Variants in GLDN observed in about 807,000 individuals in gnomAD.
GLDN encodes collomin.
In GLDN, 47 loss-of-function variants were observed where a neutral mutation model predicts 56.5. The observed-to-expected ratio is 0.83, with a 90% CI of 0.66 to 1.06. GLDN has a LOEUF of 1.06. GLDN is among the 50% of genes least tolerant of loss of function. The pLI is 0.00. For synonymous variants in GLDN, 332 were observed against 278.8 expected (o/e 1.19, Z -1.90); for missense variants, 782 against 714.3 (o/e 1.09, Z -1.08).
At chr15:51,398,443 G>A (rs562469723) in intron 6 of GLDN, among the ~76,000 whole-genome samples, 3 of 152,336 alleles carry the variant, frequency 2.0e-5, no homozygotes, top group South Asian at 4.1e-4. Context: ...CCTAGGATCC[G>A]TCATCTAACT....
intron 9 of GLDN, among the ~76,000 whole-genome samples, chr15:51,402,592 T>C (rs746330299): frequency 1.3e-5 from 2 of 152,208 alleles, no homozygotes; most frequent in African/African-American, 2.4e-5. Context: ...CCCAGTATTA[T>C]GAATGCCACA....
At chr15:51,412,778 T>G (rs144268419), downstream of GLDN, among the ~76,000 whole-genome samples, 531 of 152,314 alleles carry the variant, frequency 3.5e-3, 5 homozygotes, top group African/African-American at 0.012. Context: ...GCTGCCTTTT[T>G]TTTGTACTAA....
At chr15:51,410,953 C>T (rs1221928266), downstream of GLDN, among the ~76,000 whole-genome samples, 1 of 152,114 alleles carries the variant, frequency 6.6e-6, no homozygotes, top group Non-Finnish European at 1.5e-5. Flanking sequence ...AGATAAAGCA[C>T]AAATATCACC....
intron 1 of GLDN, among the ~76,000 whole-genome samples, chr15:51,347,306 T>C (rs2036995648): frequency 1.3e-5 from 2 of 152,164 alleles, no homozygotes; most frequent in Non-Finnish European, 2.9e-5. Flanking sequence ...TACCCCAAAA[T>C]ATAATTTTCA....
At chr15:51,361,648 G>A (rs926344508) in intron 1 of GLDN, among the ~76,000 whole-genome samples, 6 of 152,202 alleles carry the variant, frequency 3.9e-5, no homozygotes, top group African/African-American at 1.4e-4. Context: ...TCAAGAAACA[G>A]CGTGAACAAA....
At chr15:51,370,080 C>T (rs2037484650) in intron 1 of GLDN, among the ~76,000 whole-genome samples, 1 of 152,140 alleles carries the variant, frequency 6.6e-6, no homozygotes, top group Non-Finnish European at 1.5e-5. Context: ...CATGTCACTG[C>T]ACTCCAGCCT....
At position 51,404,932 on chromosome 15, in the gene GLDN, TGAG is replaced by T; in HGVS notation, c.*179_*181del. ...GCAACAGATTGGAAGTTGAAATGGC[TGAG>T]ATTTGGTGATCTCCCCACAGCTGGC... On this transcript the variant is annotated 3_prime_UTR_variant, in exon 10 of 10. Transcript: ENST00000335449. 1 of 577,104 alleles carries T rather than the reference TGAG, an allele frequency of 1.7e-6. No homozygotes were observed. 35.7% of individuals were successfully genotyped at this position (577,104 alleles called of 1,614,324 possible). A position where few individuals can be genotyped will look rare whatever the true frequency, so the allele number is the denominator to read the frequency against.
At chr15:51,402,886 G>T (rs934751187) in intron 9 of GLDN, among the ~76,000 whole-genome samples, 1 of 152,100 alleles carries the variant, frequency 6.6e-6, no homozygotes, top group African/African-American at 2.4e-5. Context: ...CACCCCATTT[G>T]GGCAGTCTTG....
At chr15:51,365,115 C>T (rs184986077) in intron 1 of GLDN, among the ~76,000 whole-genome samples, 64 of 152,302 alleles carry the variant, frequency 4.2e-4, no homozygotes, top group Non-Finnish European at 7.8e-4. Context: ...GTATTAGAGT[C>T]TTGGTAGTTC....
chr15:51,397,453 T>C lies in GLDN; in HGVS notation c.689-17T>C. On this transcript the variant is annotated splice_polypyrimidine_tract_variant and intron_variant, in intron 5 of 9. Coordinates refer to ENST00000335449, the MANE Select transcript of GLDN (RefSeq NM_181789.4). The stretch of plus-strand genomic sequence containing the variant: ...CCTCTTGCCTCCTTCTCTCCCTTTC[T>C]CTCTCTCTCTCTCCAGGTGCCAAAG... 2 of 1,343,700 alleles carry C rather than the reference T, an allele frequency of 1.5e-6. No individual in the cohort carries two copies. The highest frequency in any genetic ancestry group is 2.0e-6 in the Non-Finnish European group (2 of 1,023,012). 83.2% of individuals were successfully genotyped at this position (1,343,700 alleles called of 1,614,324 possible).
At chr15:51,383,374 G>C in intron 2 of GLDN, 62 bp from the exon 3 acceptor site, 1 of 1,561,946 alleles carries the variant, frequency 6.4e-7, no homozygotes, top group South Asian at 1.1e-5. Flanking sequence ...TGAAGGTCGG[G>C]GGTGCTCTTT....
In GLDN at chr15:51,342,012, G is replaced by A; in HGVS notation, c.328G>A (p.Asp110Asn). 6.3e-7 allele frequency: 1 copy of A among 1,597,610 alleles called. No individual in the cohort carries two copies. The highest frequency in any genetic ancestry group is 8.5e-7 in the Non-Finnish European group (1 of 1,179,322). Reference protein sequence around the residue: ...PAPHIRAESHDMLMMMTYSMV... With the variant: ...PAPHIRAESHNMLMMMTYSMV... Reference sequence around the variant, plus strand: ...GCCGCATATCCGCGCCGAGAGCCATGACATGCTGATGATGATGACCTACTC... The same window carrying A: ...GCCGCATATCCGCGCCGAGAGCCATAACATGCTGATGATGATGACCTACTC... The change falls in exon 1 of 10, where the codon GAC (aspartate) becomes AAC (asparagine). Residue 110 changes from aspartate (D) to asparagine (N), a missense_variant. Physicochemically the swap from Asp to Asn is conservative, Grantham distance 23. Coordinates refer to ENST00000335449, the MANE Select transcript of GLDN (RefSeq NM_181789.4).
At chr15:51,395,972 G>A (rs971528134) in intron 5 of GLDN, among the ~76,000 whole-genome samples, 12 of 152,072 alleles carry the variant, frequency 7.9e-5, no homozygotes, top group South Asian at 4.1e-4. Flanking sequence ...ACCGAATCTC[G>A]CAATAACTCA....
intron 9 of GLDN, among the ~76,000 whole-genome samples, chr15:51,404,047 G>A (rs548473768): frequency 6.6e-6 from 1 of 152,206 alleles, no homozygotes; most frequent in African/African-American, 2.4e-5. Context: ...CCACACCACT[G>A]TCTCCCTGTT....
chr15:51,383,439 C>A lies in GLDN; in HGVS notation c.419C>A (p.Pro140His). The change falls in exon 3 of 10, where the codon CCT becomes CAT. Residue 140 changes from proline to histidine, a missense_variant. By Grantham distance (77) the Pro-to-His change is moderately conservative. Transcript: ENST00000335449. Reference sequence around the variant, plus strand: ...CTAAATTTTTTTTCCGTTGTAGGACCTTCTGGACCACCAGGTAAGAGCCCA... The same window carrying A: ...CTAAATTTTTTTTCCGTTGTAGGACATTCTGGACCACCAGGTAAGAGCCCA... ...NSTKGICLTG[P>H]SGPPGPPGAG... 6.2e-7 allele frequency: 1 copy of A among 1,614,002 alleles called. No individual in the cohort carries two copies.
chr15:51,411,098 A>G (rs1219574404), downstream of GLDN, among the ~76,000 whole-genome samples: 1 of 152,230 alleles, frequency 6.6e-6, no homozygotes. Context: ...GACTGAAAGG[A>G]TAATAAAATC....
At chr15:51,376,380 T>C (rs1203920984) in intron 1 of GLDN, among the ~76,000 whole-genome samples, 1 of 152,224 alleles carries the variant, frequency 6.6e-6, no homozygotes, top group Non-Finnish European at 1.5e-5. Flanking sequence ...ATGGCTCACC[T>C]GTATAGGACA....
At chr15:51,395,692 C>T (rs1167060185) in intron 5 of GLDN, among the ~76,000 whole-genome samples, 1 of 152,110 alleles carries the variant, frequency 6.6e-6, no homozygotes, top group Non-Finnish European at 1.5e-5. Flanking sequence ...CTGGCATTTT[C>T]GCTTAACACC....
In GLDN at chr15:51,386,924, G is replaced by A. The variant is rs147858715; in HGVS notation, c.541+3032G>A. Reference sequence around the variant, plus strand: ...GACAATCGTGGACTCCGCATGGGATGTGCTGAGTTTCAGATGCCCTGAAGT... The same window carrying A: ...GACAATCGTGGACTCCGCATGGGATATGCTGAGTTTCAGATGCCCTGAAGT... On this transcript the variant is annotated intron_variant, in intron 4 of 9. Transcript: ENST00000335449. Among the ~76,000 whole-genome samples the A allele has an allele frequency of 6.6e-3, 1,002 of 152,294 alleles. 6 individuals carry two copies. The highest frequency in any genetic ancestry group is 0.014 in the Middle Eastern group (4 of 294).
Sources: gnomAD v4.1 joint callset for allele counts (sites outside exome capture counted in the v4.1 genomes callset) on GRCh38, gnomAD v4.1.1 for gene constraint, MANE v1.5 for transcripts, NCBI Gene and HGNC (gene_info 2026-07-23, HGNC 2026-07-21) for gene names.